The following TBC1D8B variants were observed in gnomAD, a reference collection of about 807,000 sequenced individuals.
TBC1D8B encodes the protein RP11-321G1.1.
Under a neutral mutation model 82.9 loss-of-function variants are expected in TBC1D8B, and 75 were observed. The observed-to-expected ratio is 0.90, with a 90% CI of 0.75 to 1.10. The LOEUF is 1.10. Ranked by LOEUF, TBC1D8B falls within the 50% of genes least tolerant of loss-of-function variation. TBC1D8B has a pLI of 0.00. For synonymous variants in TBC1D8B, 276 were observed against 276.8 expected (o/e 1.00, Z 0.03); for missense variants, 794 against 796.9 (o/e 1.00, Z 0.04).
chrX:106,804,259 G>A (rs1006083541), intron 1 of TBC1D8B, among the ~76,000 whole-genome samples: 14 of 111,394 alleles, frequency 1.3e-4, no homozygotes, highest in African/African-American at 4.6e-4. Context: ...AATGTATGTC[G>A]TCAAGATGGT....
Position 106,872,455 on chromosome X carries a change from T to TTATATA in TBC1D8B, c.2968-1087_2968-1082dup, listed in dbSNP as rs61326496. On this transcript the variant is annotated intron_variant, in intron 20 of 20. Transcript: ENST00000357242. ...GTGAACTAGGAACCCAGAAAAATATTTATATATATATATATATATATATAT... is the reference window on the plus strand; with the variant it reads ...GTGAACTAGGAACCCAGAAAAATATTTATATATATATATATATATATATATATATAT... 4.5e-4 allele frequency among the ~76,000 whole-genome samples: 33 copies of TTATATA among 73,292 alleles called. 1 individual carries two copies. Among genetic ancestry groups the TTATATA allele is most frequent in the African/African-American group, 1.8e-3 (29 of 16,517 alleles). 63.6% of individuals were successfully genotyped at this position (73,292 alleles called of 115,157 possible).
rs1438861778 is a variant in TBC1D8B at position 106,873,810 on chromosome X, AG to A, written c.3211del (p.Glu1071ArgfsTer17). ...SHLEKDPCSF[R>X]EEPQWSFAFE... ...CTTGGAGAAAGATCCTTGTTCCTTT[AG>A]GGAGGAACCTCAGTGGTCATTTGCA... On this transcript the variant is annotated frameshift_variant, in exon 21 of 21. Transcript: ENST00000357242. LOFTEE classifies it high-confidence loss of function. 1 of 1,210,562 alleles carries A rather than the reference AG, an allele frequency of 8.3e-7. No homozygotes were observed. The highest frequency in any genetic ancestry group is 1.1e-6 in the Non-Finnish European group (1 of 895,358).
chrX:106,860,922 T>C (rs1365066249), intron 14 of TBC1D8B, among the ~76,000 whole-genome samples: 1 of 112,393 alleles, frequency 8.9e-6, no homozygotes, highest in East Asian at 2.8e-4. Flanking sequence ...TGATATGTTG[T>C]ATCTTTATTC....
chrX:106,826,534 C>CTT (rs59371594), intron 6 of TBC1D8B, among the ~76,000 whole-genome samples: 5,890 of 105,256 alleles, frequency 0.056, 551 homozygotes, highest in African/African-American at 0.2. Flanking sequence ...TAACTCGTCA[C>CTT]AACATTAGGT....
chrX:106,809,516 G>A (rs1364116929), intron 1 of TBC1D8B, among the ~76,000 whole-genome samples: 1 of 110,613 alleles, frequency 9.0e-6, no homozygotes, highest in Admixed American at 9.7e-5. Context: ...AGTTTTTTCT[G>A]TGAAGGGAAA....
intron 4 of TBC1D8B, among the ~76,000 whole-genome samples, 191 bp from the exon 5 acceptor site, chrX:106,823,035 C>A (rs368069289): frequency 1.8e-5 from 2 of 111,155 alleles, no homozygotes; most frequent in African/African-American, 6.5e-5. Flanking sequence ...AAAATTAGAT[C>A]TCTTCCTGGA....
At chrX:106,829,274 C>G (rs1193346746) in intron 7 of TBC1D8B, 2 of 107,702 alleles carry the variant, frequency 1.9e-5, no homozygotes, top group African/African-American at 7.3e-5. Flanking sequence ...CTACAAACCA[C>G]TACTCAAGGA....
At chrX:106,852,592 A>G (rs1188767000) in intron 12 of TBC1D8B, among the ~76,000 whole-genome samples, 2 of 110,714 alleles carry the variant, frequency 1.8e-5, no homozygotes, top group African/African-American at 6.6e-5. Context: ...TAATTTTTGT[A>G]TAAGGTGTAA....
intron 1 of TBC1D8B, among the ~76,000 whole-genome samples, chrX:106,811,452 C>T (rs898910781): frequency 3.6e-5 from 4 of 111,371 alleles, no homozygotes; most frequent in Non-Finnish European, 7.5e-5. Context: ...TCGTTTGAGC[C>T]AGGGATGTGG....
chrX:106,863,275 G>A (rs1239026864), intron 14 of TBC1D8B, among the ~76,000 whole-genome samples: 1 of 111,899 alleles, frequency 8.9e-6, no homozygotes, highest in East Asian at 2.8e-4. Flanking sequence ...ATAGCTTCTT[G>A]CTCTGCTGCA....
intron 4 of TBC1D8B, 100 bp from the exon 5 acceptor site, chrX:106,823,126 G>A (rs1179771508): frequency 3.2e-6 from 3 of 923,528 alleles, no homozygotes; most frequent in South Asian, 2.8e-5. Context: ...GCTGTTTATA[G>A]TATTTTTCAA....
At chrX:106,858,115 G>C (rs1226244349) in intron 14 of TBC1D8B, among the ~76,000 whole-genome samples, 3 of 112,033 alleles carry the variant, frequency 2.7e-5, no homozygotes, top group South Asian at 3.7e-4. Context: ...CATTCTGATT[G>C]TGTGAGACGG....
At chrX:106,853,164 G>T (rs1028431800) in intron 12 of TBC1D8B, among the ~76,000 whole-genome samples, 4 of 110,877 alleles carry the variant, frequency 3.6e-5, no homozygotes, top group Non-Finnish European at 7.6e-5. Flanking sequence ...GGATTCCTAG[G>T]TATTTTATTC....
intron 19 of TBC1D8B, among the ~76,000 whole-genome samples, chrX:106,870,036 TTTTG>T (rs754956761): frequency 8.9e-6 from 1 of 112,106 alleles, no homozygotes; most frequent in Non-Finnish European, 1.9e-5. Context: ...GACCACTTTG[TTTTG>T]TTTGTTTTGA....
chrX:106,843,029 T>A (rs1168286558), intron 10 of TBC1D8B, among the ~76,000 whole-genome samples: 1 of 111,952 alleles, frequency 8.9e-6, no homozygotes, highest in Non-Finnish European at 1.9e-5. Context: ...TATCAGGACT[T>A]CTTTCTTATG....
chrX:106,814,970 T>C (rs1438104600), intron 1 of TBC1D8B: 35 of 111,481 alleles, frequency 3.1e-4, no homozygotes, highest in African/African-American at 8.4e-4. Context: ...GAGTAGGTTG[T>C]GAAAATTTTC....
rs774586216 is a variant in TBC1D8B, at chrX:106,822,044, C to G, written c.428C>G (p.Ala143Gly). 8 of 1,210,202 alleles carry G rather than the reference C, an allele frequency of 6.6e-6. No homozygotes were observed. The highest frequency in any genetic ancestry group is 1.7e-5 in the African/African-American group (1 of 57,620). The change falls in exon 4 of 21, where the codon GCC (alanine) becomes GGC (glycine). Residue 143 changes from alanine to glycine, a missense_variant. By Grantham distance (60) the Ala-to-Gly change is moderately conservative. Transcript: ENST00000357242. ...GATGATCCTGAGAAATTTCGAGAAG[C>G]CCTTTTGAAATTTGAAAAATGTTTT... Reference protein sequence around the residue: ...KEDDPEKFREALLKFEKCFGL... With the variant: ...KEDDPEKFREGLLKFEKCFGL...
rs373986575 is a variant in TBC1D8B, at chrX:106,825,010, C to A, written c.828-1020C>A. 3.6e-5 allele frequency among the ~76,000 whole-genome samples: 4 copies of A among 111,572 alleles called. No homozygotes were observed. In the East Asian group the frequency reaches 8.5e-4, roughly 24 times the overall value. Reference sequence around the variant, plus strand: ...TTTGCAAAAATAGGTCTGGACATCACACATTGTTCTACAATCTGCTTTTTT... The same window carrying A: ...TTTGCAAAAATAGGTCTGGACATCAAACATTGTTCTACAATCTGCTTTTTT... On this transcript the variant is annotated intron_variant, in intron 5 of 20. Transcript: ENST00000357242.
intron 7 of TBC1D8B, 174 bp downstream of exon 7, chrX:106,827,511 T>A: frequency 2.2e-6 from 1 of 446,992 alleles, no homozygotes; most frequent in Non-Finnish European, 3.7e-6. Context: ...GAAGTGAGAA[T>A]TAAGGACTTT....
Sources: allele counts gnomAD v4.1 joint callset (sites outside exome capture counted in the v4.1 genomes callset), GRCh38; gene constraint gnomAD v4.1.1; transcripts MANE v1.5; gene names NCBI Gene and HGNC (gene_info 2026-07-23, HGNC 2026-07-21).